The following ZNF106 variants were observed in gnomAD, a reference collection of about 807,000 sequenced individuals.
ZNF106 encodes the protein SH3-domain binding protein 3.
A neutral mutation model predicts 195.1 loss-of-function variants in ZNF106; 67 were observed. The ratio of observed to expected loss-of-function variants is 0.34; its 90% confidence interval spans 0.28 to 0.42. ZNF106 has a LOEUF of 0.42. Among genes scored for constraint, ZNF106 ranks in the 10% least tolerant of loss-of-function variants. The pLI is 1.00. For missense variants in ZNF106, 2,118 were observed against 2,304.5 expected (o/e 0.92, Z 1.66); for synonymous variants, 784 against 818.6 (o/e 0.96, Z 0.72).
Position 42,417,313 on chromosome 15 carries a change from A to T in ZNF106, c.5712T>A (p.Ile1904=), listed in dbSNP as rs760122345. Residue 1904 remains isoleucine, a synonymous_variant, in exon 22 of 22, where the codon ATT becomes ATA. Transcript: ENST00000564754. The part of the protein sequence containing the change: ...IERHAEDDSK[I]DS ...TGGGAGGCAAAAAACTTCATGAATC[A>T]ATTTTGCTGTCATCTTCAGCATGTC... The T allele has an allele frequency of 6.2e-7, 1 of 1,614,008 alleles. No individual in the cohort carries two copies. Among genetic ancestry groups the T allele is most frequent in the South Asian group, 1.1e-5 (1 of 91,056 alleles).
At chr15:42,438,482 C>A in intron 12 of ZNF106, 130 bp downstream of exon 12, 2 of 760,908 alleles carry the variant, frequency 2.6e-6, no homozygotes, top group Non-Finnish European at 2.1e-6. Context: ...TCAAGGCAAT[C>A]CTCTTGGTGA....
chr15:42,438,886 G>T, intron 11 of ZNF106, 147 bp downstream of exon 11: 1 of 984,002 alleles, frequency 1.0e-6, no homozygotes, highest in African/African-American at 1.7e-5. Flanking sequence ...CTCTACTGCT[G>T]AGCTTTAATT....
At chr15:42,455,546 CTTTT>C (rs1173896886) in intron 4 of ZNF106, among the ~76,000 whole-genome samples, 2 of 152,086 alleles carry the variant, frequency 1.3e-5, no homozygotes, top group South Asian at 2.1e-4. Context: ...GTTCAAAAAA[CTTTT>C]TTTTAATTTT....
intron 3 of ZNF106, among the ~76,000 whole-genome samples, chr15:42,463,170 A>C (rs2056433026): frequency 6.6e-6 from 1 of 152,122 alleles, no homozygotes; most frequent in Non-Finnish European, 1.5e-5. Context: ...CTTTGAATGC[A>C]ATGGGCTTCT....
At chr15:42,426,732 A>G (rs1444408040) in intron 15 of ZNF106, among the ~76,000 whole-genome samples, 1 of 152,102 alleles carries the variant, frequency 6.6e-6, no homozygotes, top group Non-Finnish European at 1.5e-5. Flanking sequence ...TAATCTCACG[A>G]AAGAGAAGGT....
chr15:42,476,671 G>A (rs2141435313), intron 1 of ZNF106, among the ~76,000 whole-genome samples: 1 of 152,010 alleles, frequency 6.6e-6, no homozygotes, highest in East Asian at 1.9e-4. Context: ...TCATAAAGTG[G>A]ATCATCATAA....
intron 19 of ZNF106, among the ~76,000 whole-genome samples, chr15:42,421,389 T>C (rs573858985): frequency 1.4e-3 from 206 of 152,288 alleles, no homozygotes; most frequent in African/African-American, 4.7e-3. Context: ...ACTTGTCCTT[T>C]ATACTTTAAC....
intron 4 of ZNF106, among the ~76,000 whole-genome samples, chr15:42,455,586 G>A (rs938000411): frequency 2.6e-5 from 4 of 152,052 alleles, no homozygotes; most frequent in African/African-American, 4.8e-5. Flanking sequence ...TTATTACATA[G>A]ATAAGGGCTT....
intron 1 of ZNF106, among the ~76,000 whole-genome samples, chr15:42,473,281 C>T (rs1221881018): frequency 1.3e-5 from 2 of 152,188 alleles, no homozygotes; most frequent in African/African-American, 4.8e-5. Context: ...AGGAACTCAA[C>T]CTGTATGTAA....
At position 42,466,036 on chromosome 15, in the gene ZNF106, G is replaced by A; in HGVS notation, c.116+17C>T. 6.5e-7 allele frequency: 1 copy of A among 1,528,432 alleles called. No individual in the cohort carries two copies. Among genetic ancestry groups the A allele is most frequent in the Non-Finnish European group, 8.7e-7 (1 of 1,143,200 alleles). 94.7% of individuals were successfully genotyped at this position (1,528,432 alleles called of 1,614,324 possible). A position where few individuals can be genotyped will look rare whatever the true frequency, so the allele number is the denominator to read the frequency against. ...CACCCACATTCACAAACTTATGGAA[G>A]AGAGCCGTTCCCATACCTGCCCTTG... On this transcript the variant is annotated intron_variant, in intron 3 of 21. Transcript: ENST00000564754.
chr15:42,419,951 A>AAAAAC (rs1277213978), intron 20 of ZNF106, among the ~76,000 whole-genome samples: 4 of 152,222 alleles, frequency 2.6e-5, no homozygotes, highest in Admixed American at 2.6e-4. Context: ...TTCTGTCTCA[A>AAAAAC]AAAACAAAAC....
At chr15:42,446,535 C>CA (rs2055777702) in intron 7 of ZNF106, 54 bp downstream of exon 7, 205 of 1,464,926 alleles carry the variant, frequency 1.4e-4, no homozygotes, top group South Asian at 2.3e-4. Flanking sequence ...CCGCACCCCC[C>CA]AAAAAAAACC....
rs918406944 is a variant in ZNF106 at position 42,434,787 on chromosome 15, T to C, written c.4881+597A>G. The stretch of plus-strand genomic sequence containing the variant: ...TTTGCTCTTTTTTTTTTTTTTTTTT[T>C]CCTGAGACGGAGCTTCGCTCTTGTT... On this transcript the variant is annotated intron_variant, in intron 14 of 21. Coordinates refer to ENST00000564754, the MANE Select transcript of ZNF106 (RefSeq NM_001366845.3). 4.6e-5 allele frequency among the ~76,000 whole-genome samples: 7 copies of C among 151,348 alleles called. No homozygotes were observed. The South Asian group carries it at 8.3e-4, about 18-fold the overall frequency.
Position 42,450,327 on chromosome 15 carries a change from C to G in ZNF106, c.1945G>C (p.Glu649Gln). 6.2e-7 allele frequency: 1 copy of G among 1,614,196 alleles called. No homozygotes were observed. The highest frequency in any genetic ancestry group is 8.5e-7 in the Non-Finnish European group (1 of 1,180,038). Residue 649 changes from glutamate (E) to glutamine (Q), a missense_variant, in exon 5 of 22, where the codon GAG (glutamate) becomes CAG (glutamine). Transcript: ENST00000564754. ...GTCTTCAGGATGCGGTCATCCTCCT[C>G]TTTCTCATCAGCAGTTCGAGTGCTG... ...SGSTRTADEK[E>Q]EDDRILKTSR...
At chr15:42,455,461 A>G (rs570972883) in intron 4 of ZNF106, among the ~76,000 whole-genome samples, 35 of 152,282 alleles carry the variant, frequency 2.3e-4, no homozygotes, top group Non-Finnish European at 1.5e-4. Flanking sequence ...ATTTTGGTGC[A>G]TTTTCAGACT....
intron 2 of ZNF106, among the ~76,000 whole-genome samples, chr15:42,469,454 T>C (rs188889945): frequency 5.9e-5 from 9 of 152,296 alleles, no homozygotes; most frequent in Admixed American, 4.6e-4. Flanking sequence ...ACTTCACTAA[T>C]CTTGTCCTAA....
chr15:42,440,983 T>TAAA lies in ZNF106; in HGVS notation c.3763+1087_3763+1089dup, dbSNP rs35854257. Among the ~76,000 whole-genome samples the TAAA allele has an allele frequency of 1.8e-3, 36 of 19,808 alleles. 2 individuals are homozygous for TAAA. Among genetic ancestry groups the TAAA allele is most frequent in the South Asian group, 4.1e-3 (2 of 484 alleles). The allele number at this position is 19,808 out of a possible 152,430, so 13.0% of individuals were successfully genotyped here. On this transcript the variant is annotated intron_variant, in intron 10 of 21. Transcript: ENST00000564754. Reference sequence around the variant, plus strand: ...GGGCAACAAAAAGCGAAACTCTGTCTAAAAAAAAAAAAAAAATATATATAT... The same window carrying TAAA: ...GGGCAACAAAAAGCGAAACTCTGTCTAAAAAAAAAAAAAAAAAAATATATATAT...
chr15:42,490,050 T>A (rs2057111937), intron 1 of ZNF106, among the ~76,000 whole-genome samples: 1 of 146,240 alleles, frequency 6.8e-6, no homozygotes, highest in East Asian at 2.0e-4. Flanking sequence ...AAAAAAATAA[T>A]AATAATAAAA....
At chr15:42,486,888 C>T (rs1243503895) in intron 1 of ZNF106, among the ~76,000 whole-genome samples, 2 of 152,106 alleles carry the variant, frequency 1.3e-5, no homozygotes, top group African/African-American at 2.4e-5. Flanking sequence ...CAGTGGCTCA[C>T]GCCTGTAATC....
Sources: gnomAD v4.1 joint callset for allele counts (sites outside exome capture counted in the v4.1 genomes callset) on GRCh38, gnomAD v4.1.1 for gene constraint, MANE v1.5 for transcripts, NCBI Gene and HGNC (gene_info 2026-07-23, HGNC 2026-07-21) for gene names.